Variants in BRINP3 observed in about 807,000 individuals in gnomAD.
The protein encoded by BRINP3 is BMP/retinoic acid-inducible neural-specific protein 3.
In BRINP3, 19 loss-of-function variants were observed where a neutral mutation model predicts 71.0. That is an observed-to-expected ratio of 0.27 (90% confidence interval 0.19 to 0.39). The LOEUF (loss-of-function observed/expected upper bound fraction) is 0.39. Ranked by LOEUF, BRINP3 falls within the 10% of genes least tolerant of loss-of-function variation. The pLI is 1.00. For missense variants in BRINP3, 959 were observed against 940.8 expected, an observed-to-expected ratio of 1.02 and a Z score of -0.25; for synonymous variants, 380 against 337.7, an observed-to-expected ratio of 1.13 and a Z score of -1.37.
intron 2 of BRINP3, among the ~76,000 whole-genome samples, chr1:190,348,973 G>C (rs1478968006): frequency 6.6e-6 from 1 of 152,040 alleles, no homozygotes; most frequent in Non-Finnish European, 1.5e-5. Flanking sequence ...ATAATTTGTT[G>C]AGGCACATTA....
intron 2 of BRINP3, among the ~76,000 whole-genome samples, chr1:190,327,326 C>CAAAAAAAAAAAAAAAAAAAAAAAAAA (rs1227478693): frequency 4.5e-5 from 2 of 44,244 alleles, no homozygotes; most frequent in African/African-American, 1.4e-4. Flanking sequence ...AAAAAAAGAA[C>CAAAAAAAAAAAAAAAAAAAAAAAAAA]AAAAAAAAAA....
intron 2 of BRINP3, among the ~76,000 whole-genome samples, chr1:190,448,374 T>A (rs889639315): frequency 6.6e-6 from 1 of 151,734 alleles, no homozygotes; most frequent in African/African-American, 2.4e-5. Context: ...ATGTTACATA[T>A]TTAGTGCACA....
At chr1:190,354,751 T>C (rs1668619155) in intron 2 of BRINP3, among the ~76,000 whole-genome samples, 1 of 151,288 alleles carries the variant, frequency 6.6e-6, no homozygotes, top group African/African-American at 2.4e-5. Flanking sequence ...TGCCACCGTC[T>C]CTTAAAAGGT....
intron 2 of BRINP3, among the ~76,000 whole-genome samples, chr1:190,438,654 A>G (rs1017507169): frequency 6.6e-6 from 1 of 151,856 alleles, no homozygotes; most frequent in Non-Finnish European, 1.5e-5. Context: ...GATATACACT[A>G]AATTTAATTC....
chr1:190,391,087 G>C (rs956927364), intron 2 of BRINP3, among the ~76,000 whole-genome samples: 2 of 151,732 alleles, frequency 1.3e-5, no homozygotes, highest in Admixed American at 1.3e-4. Context: ...GGGAGAATTG[G>C]TCTGATTTGG....
chr1:190,427,619 A>T (rs868403035), intron 2 of BRINP3, among the ~76,000 whole-genome samples: 3 of 152,168 alleles, frequency 2.0e-5, no homozygotes, highest in Non-Finnish European at 4.4e-5. Context: ...CAACATTTTT[A>T]AAAATGAGGG....
chr1:190,198,371 G>A (rs1325542441), intron 6 of BRINP3, among the ~76,000 whole-genome samples: 2 of 152,138 alleles, frequency 1.3e-5, no homozygotes, highest in Non-Finnish European at 2.9e-5. Flanking sequence ...CTCCTCAGAA[G>A]ATGGGTATTT....
Position 190,439,551 on chromosome 1 carries a change from A to T in BRINP3, c.236+15104T>A, listed in dbSNP as rs568928065. The stretch of plus-strand genomic sequence containing the variant: ...AGAGTACGTGTGTGTGTGTATGTGT[A>T]TGGGTGTTTGAATGAATTAATGGTA... On this transcript the variant is annotated intron_variant, in intron 2 of 7. Coordinates refer to ENST00000367462, the MANE Select transcript of BRINP3 (RefSeq NM_199051.3). Among the ~76,000 whole-genome samples the T allele has an allele frequency of 3.8e-4, 58 of 151,712 alleles. 3 individuals carry two copies. The East Asian group carries it at 0.01, about 27-fold the overall frequency.
At chr1:190,115,957 C>T (rs1293873661) in intron 7 of BRINP3, among the ~76,000 whole-genome samples, 6 of 152,048 alleles carry the variant, frequency 3.9e-5, no homozygotes, top group Admixed American at 1.3e-4. Context: ...AGTTGCCAGT[C>T]GTTGGGAGAG....
At chr1:190,129,732 A>G (rs1332111896) in intron 7 of BRINP3, among the ~76,000 whole-genome samples, 2 of 151,986 alleles carry the variant, frequency 1.3e-5, no homozygotes, top group Non-Finnish European at 2.9e-5. Flanking sequence ...GACAATTTCT[A>G]GAGAAATGTG....
At chr1:190,433,405 C>T (rs1294442124) in intron 2 of BRINP3, among the ~76,000 whole-genome samples, 5 of 152,140 alleles carry the variant, frequency 3.3e-5, no homozygotes, top group African/African-American at 7.2e-5. Context: ...CTAAGATTAA[C>T]ACCCTCTAAC....
chr1:190,389,035 A>G (rs1671084134), intron 2 of BRINP3, among the ~76,000 whole-genome samples: 1 of 151,808 alleles, frequency 6.6e-6, no homozygotes, highest in Non-Finnish European at 1.5e-5. Flanking sequence ...AAGGTAAAGT[A>G]TGAAGTACCT....
At chr1:190,301,339 A>T (rs1664725879) in intron 2 of BRINP3, among the ~76,000 whole-genome samples, 1 of 149,136 alleles carries the variant, frequency 6.7e-6, no homozygotes. Context: ...TATCTCTGCC[A>T]TTTATAATAT....
intron 2 of BRINP3, among the ~76,000 whole-genome samples, chr1:190,403,526 A>G (rs1672070954): frequency 6.6e-6 from 1 of 152,218 alleles, no homozygotes; most frequent in African/African-American, 2.4e-5. Context: ...AAGATATGGA[A>G]GCCAAATGGT....
At chr1:190,252,835 G>A (rs1275767414) in intron 4 of BRINP3, among the ~76,000 whole-genome samples, 1 of 151,866 alleles carries the variant, frequency 6.6e-6, no homozygotes, top group Non-Finnish European at 1.5e-5. Context: ...ACAACATGCA[G>A]GTTTGTTACT....
At chr1:190,219,632 G>A (rs1268777551) in intron 6 of BRINP3, among the ~76,000 whole-genome samples, 1 of 151,918 alleles carries the variant, frequency 6.6e-6, no homozygotes, top group Non-Finnish European at 1.5e-5. Flanking sequence ...GAGGTCAAGA[G>A]ATCGAGACCA....
chr1:190,333,280 C>T (rs1033415449), intron 2 of BRINP3, among the ~76,000 whole-genome samples: 10 of 151,868 alleles, frequency 6.6e-5, no homozygotes, highest in African/African-American at 1.4e-4. Flanking sequence ...ACGATTCAAT[C>T]GTAGAGAGTT....
intron 2 of BRINP3, among the ~76,000 whole-genome samples, chr1:190,374,845 G>A (rs1670088093): frequency 1.3e-5 from 2 of 152,086 alleles, no homozygotes; most frequent in Non-Finnish European, 1.5e-5. Context: ...GCCTCTTAAA[G>A]CTGTCATGAA....
intron 2 of BRINP3, among the ~76,000 whole-genome samples, chr1:190,453,360 A>G (rs1265649625): frequency 6.6e-6 from 1 of 151,272 alleles, no homozygotes; most frequent in Non-Finnish European, 1.5e-5. Context: ...AGCTGGGACT[A>G]CAGGCGCTAG....
Sources: gnomAD v4.1 joint callset for allele counts (sites outside exome capture counted in the v4.1 genomes callset) on GRCh38, gnomAD v4.1.1 for gene constraint, MANE v1.5 for transcripts, NCBI Gene and HGNC (gene_info 2026-07-23, HGNC 2026-07-21) for gene names.